Variants in PAK3 observed in about 807,000 individuals in gnomAD.
PAK3 encodes the protein serine/threonine-protein kinase PAK 3.
In PAK3, 4 loss-of-function variants were observed where a neutral mutation model predicts 41.0. That is an observed-to-expected ratio of 0.10 (90% confidence interval 0.05 to 0.22). PAK3 has a LOEUF of 0.22. Ranked by LOEUF, PAK3 falls within the 10% of genes least tolerant of loss-of-function variation. The pLI, the probability that PAK3 is intolerant of heterozygous loss-of-function variation, is 1.00. For missense variants in PAK3, 205 were observed against 409.9 expected (o/e 0.50, Z 4.32); for synonymous variants, 146 against 139.6 (o/e 1.05, Z -0.32).
intron 16 of PAK3, among the ~76,000 whole-genome samples, chrX:111,200,775 C>G (rs1863399825): frequency 8.9e-6 from 1 of 112,367 alleles, no homozygotes; most frequent in South Asian, 3.7e-4. Context: ...GAGTAATTTA[C>G]AGCCTGCAAA....
intron 11 of PAK3, among the ~76,000 whole-genome samples, chrX:111,183,236 T>C (rs2094477243): frequency 9.0e-6 from 1 of 111,642 alleles, no homozygotes; most frequent in Non-Finnish European, 1.9e-5. Context: ...ATTTATCTCA[T>C]AGAGTTGTAC....
At chrX:110,964,783 G>C (rs1240787738) in intron 1 of PAK3, among the ~76,000 whole-genome samples, 1 of 112,226 alleles carries the variant, frequency 8.9e-6, no homozygotes, top group Non-Finnish European at 1.9e-5. Context: ...CCACAATGAG[G>C]GTGGCCCATT....
intron 1 of PAK3, among the ~76,000 whole-genome samples, chrX:111,039,994 C>CAA (rs141289134): frequency 5.9e-4 from 29 of 49,212 alleles, no homozygotes; most frequent in African/African-American, 1.6e-3. Flanking sequence ...GTAGATGGAG[C>CAA]AAAAAAAAAA....
At chrX:111,003,582 G>A (rs916924101) in intron 1 of PAK3, among the ~76,000 whole-genome samples, 15 of 111,471 alleles carry the variant, frequency 1.3e-4, no homozygotes, top group Admixed American at 1.9e-4. Context: ...GAGGGAGAAG[G>A]GAACTTACAC....
intron 16 of PAK3, among the ~76,000 whole-genome samples, chrX:111,212,204 C>G (rs1258109554): frequency 9.0e-6 from 1 of 111,727 alleles, no homozygotes; most frequent in African/African-American, 3.3e-5. Flanking sequence ...TTTCTAATAG[C>G]CACCTTATTT....
chrX:111,057,389 CCTAT>C (rs771918086), intron 1 of PAK3, among the ~76,000 whole-genome samples: 63 of 111,956 alleles, frequency 5.6e-4, no homozygotes, highest in African/African-American at 1.9e-3. Context: ...GTTTTATCTA[CCTAT>C]CTTTTTTGAT....
chrX:111,199,873 A>G (rs2094660410), intron 16 of PAK3, among the ~76,000 whole-genome samples: 1 of 111,942 alleles, frequency 8.9e-6, no homozygotes, highest in South Asian at 3.7e-4. Flanking sequence ...ATGAGGAGGA[A>G]AGGAAAGAGG....
chrX:111,176,965 C>CAAA (rs67321349), intron 11 of PAK3, among the ~76,000 whole-genome samples: 3 of 89,652 alleles, frequency 3.3e-5, no homozygotes, highest in Non-Finnish European at 6.5e-5. Context: ...CTTTCTGGAC[C>CAAA]AAAAAAAAAA....
chrX:111,006,826 T>TTTCTTTCTTTCTTTCTTTC (rs2091933194), intron 1 of PAK3, among the ~76,000 whole-genome samples: 1 of 13,081 alleles, frequency 7.6e-5, no homozygotes, highest in African/African-American at 1.1e-4. Context: ...TCTTTCTTTC[T>TTTCTTTCTTTCTTTCTTTC]TTCTTTCTTT....
intron 1 of PAK3, among the ~76,000 whole-genome samples, chrX:111,024,703 G>T (rs770569998): frequency 9.0e-6 from 1 of 110,608 alleles, no homozygotes; most frequent in East Asian, 2.9e-4. Flanking sequence ...AATTGTGGGG[G>T]ACTTTAATAC....
At chrX:111,040,157 C>T (rs1157107336) in intron 1 of PAK3, among the ~76,000 whole-genome samples, 1 of 110,965 alleles carries the variant, frequency 9.0e-6, no homozygotes, top group Admixed American at 9.6e-5. Flanking sequence ...GCCTTGGAAT[C>T]GGAGAGACTT....
At chrX:111,211,937 G>A (rs919135298) in intron 16 of PAK3, among the ~76,000 whole-genome samples, 2 of 111,235 alleles carry the variant, frequency 1.8e-5, no homozygotes, top group East Asian at 2.8e-4. Context: ...ATGGAAAAAC[G>A]GTTAGGAGGT....
chrX:111,052,503 T>C (rs866048445), intron 1 of PAK3, among the ~76,000 whole-genome samples: 27 of 112,798 alleles, frequency 2.4e-4, no homozygotes, highest in Non-Finnish European at 4.1e-4. Flanking sequence ...TTAAGCACCT[T>C]ATGCACATCA....
At chrX:111,005,418 T>C (rs2091908259) in intron 1 of PAK3, among the ~76,000 whole-genome samples, 1 of 111,619 alleles carries the variant, frequency 9.0e-6, no homozygotes, top group Non-Finnish European at 1.9e-5. Flanking sequence ...ACCAGCTAGA[T>C]TGACCCAAAT....
At chrX:111,035,130 A>G (rs943952257) in intron 1 of PAK3, among the ~76,000 whole-genome samples, 2 of 57,149 alleles carry the variant, frequency 3.5e-5, no homozygotes, top group African/African-American at 5.0e-5. Flanking sequence ...AAAAAAAAAA[A>G]AAAAGAAAGA....
At chrX:111,067,615 G>A (rs1201123387) in intron 1 of PAK3, among the ~76,000 whole-genome samples, 4 of 111,589 alleles carry the variant, frequency 3.6e-5, no homozygotes, top group Admixed American at 2.9e-4. Flanking sequence ...TGTCAAATGT[G>A]TTTTCAACAT....
intron 16 of PAK3, among the ~76,000 whole-genome samples, chrX:111,201,398 G>A (rs1284097854): frequency 1.8e-5 from 2 of 111,791 alleles, no homozygotes; most frequent in African/African-American, 3.3e-5. Context: ...CGATTTCTTG[G>A]ATCCTGGTGC....
intron 5 of PAK3, among the ~76,000 whole-genome samples, chrX:111,137,032 T>G (rs200542237): frequency 9.0e-6 from 1 of 111,575 alleles, no homozygotes; most frequent in East Asian, 2.8e-4. Flanking sequence ...GGAAAGGGTA[T>G]GAAGGAGGTG....
intron 1 of PAK3, among the ~76,000 whole-genome samples, chrX:111,073,632 A>C (rs751729065): frequency 8.9e-6 from 1 of 112,364 alleles, no homozygotes; most frequent in South Asian, 3.7e-4. Flanking sequence ...TACTAGATAC[A>C]TATAATCTAC....
Sources: gnomAD v4.1 joint callset for allele counts (sites outside exome capture counted in the v4.1 genomes callset) on GRCh38, gnomAD v4.1.1 for gene constraint, MANE v1.5 for transcripts, NCBI Gene and HGNC (gene_info 2026-07-23, HGNC 2026-07-21) for gene names.